Variants in DLGAP2 observed in about 807,000 individuals in gnomAD.
DLGAP2 encodes the protein disks large-associated protein 2.
In DLGAP2, 26 loss-of-function variants were observed where a neutral mutation model predicts 100.3. The ratio of observed to expected loss-of-function variants is 0.26; its 90% confidence interval spans 0.19 to 0.36. The LOEUF is 0.36. Among genes scored for constraint, DLGAP2 ranks in the 10% least tolerant of loss-of-function variants. DLGAP2 has a pLI of 1.00. For synonymous variants in DLGAP2, 886 were observed against 630.1 expected (o/e 1.41, Z -6.08); for missense variants, 1,858 against 1,453.2 (o/e 1.28, Z -4.53).
rs552347942 is a variant in DLGAP2, at chr8:1,308,139, G to C, written c.106+49256G>C. Among the ~76,000 whole-genome samples the C allele has an allele frequency of 5.9e-5, 9 of 152,314 alleles. No individual in the cohort carries two copies. In the East Asian group the frequency reaches 1.7e-3, roughly 29 times the overall value. On this transcript the variant is annotated intron_variant, in intron 3 of 14. Transcript: ENST00000637795. ...CAGCTTTCACCTCAAGTGGTCCCTG[G>C]GCTCGTTGCAAGCCAGGGTACGTGT...
At chr8:1,676,049 G>A (rs2130851016) in intron 10 of DLGAP2, among the ~76,000 whole-genome samples, 1 of 152,262 alleles carries the variant, frequency 6.6e-6, no homozygotes, top group African/African-American at 2.4e-5. Context: ...AGATGAAGGT[G>A]GAGAGTTTGC....
chr8:1,356,407 CCA>C (rs1801852150), intron 3 of DLGAP2, among the ~76,000 whole-genome samples: 7 of 152,152 alleles, frequency 4.6e-5, no homozygotes, highest in Non-Finnish European at 8.8e-5. Flanking sequence ...AAAAATAAAA[CCA>C]TGTGAAACCA....
chr8:762,590 T>G (rs543035607), intron 1 of DLGAP2, among the ~76,000 whole-genome samples: 1 of 152,228 alleles, frequency 6.6e-6, no homozygotes, highest in East Asian at 1.9e-4. Flanking sequence ...GCTTGCCACC[T>G]GGGCAGCCCT....
chr8:1,586,944 G>C (rs1030433344), intron 6 of DLGAP2, among the ~76,000 whole-genome samples: 1 of 152,208 alleles, frequency 6.6e-6, no homozygotes, highest in African/African-American at 2.4e-5. Flanking sequence ...AGGAGATTCT[G>C]ACTAGAATGG....
At chr8:1,299,764 G>A (rs913566063) in intron 3 of DLGAP2, among the ~76,000 whole-genome samples, 2 of 152,014 alleles carry the variant, frequency 1.3e-5, no homozygotes, top group Admixed American at 6.6e-5. Context: ...ATCCCCCCTG[G>A]ACTGCACTTT....
intron 2 of DLGAP2, among the ~76,000 whole-genome samples, chr8:975,265 A>G (rs1397442966): frequency 6.6e-6 from 1 of 152,202 alleles, no homozygotes; most frequent in African/African-American, 2.4e-5. Flanking sequence ...TTTCCAAAAC[A>G]GTAAGCACCA....
intron 2 of DLGAP2, among the ~76,000 whole-genome samples, chr8:1,120,898 A>G (rs942441467): frequency 8.8e-5 from 13 of 148,480 alleles, no homozygotes; most frequent in African/African-American, 3.3e-4. Flanking sequence ...TTCAGATCCC[A>G]TGACCTCCCA....
chr8:1,425,978 C>G (rs914885505), intron 3 of DLGAP2, among the ~76,000 whole-genome samples: 2 of 152,228 alleles, frequency 1.3e-5, no homozygotes, highest in Admixed American at 6.5e-5. Context: ...GAGGACAGCA[C>G]TGAGCAGAAC....
chr8:1,363,937 C>A (rs906208615), intron 3 of DLGAP2, among the ~76,000 whole-genome samples: 1 of 152,166 alleles, frequency 6.6e-6, no homozygotes, highest in Non-Finnish European at 1.5e-5. Flanking sequence ...ACAGTGACAG[C>A]CAGGCTATTG....
intron 8 of DLGAP2, among the ~76,000 whole-genome samples, chr8:1,638,756 C>A (rs544538919): frequency 6.6e-6 from 1 of 152,160 alleles, no homozygotes; most frequent in Non-Finnish European, 1.5e-5. Context: ...AGGGAGTCTC[C>A]AGGACTTCAT....
rs780215632 is a variant in DLGAP2, at chr8:1,535,100, G to T, written c.173-13526G>T. ...GTAGGGCAAGGTCCTGTGGAGCCACGGGAGGAATCGAGGGAGGCAGGCCCT... is the reference window on the plus strand; with the variant it reads ...GTAGGGCAAGGTCCTGTGGAGCCACTGGAGGAATCGAGGGAGGCAGGCCCT... On this transcript the variant is annotated intron_variant, in intron 4 of 14. Transcript: ENST00000637795. 3.3e-5 allele frequency among the ~76,000 whole-genome samples: 5 copies of T among 152,200 alleles called. No homozygotes were observed. In the South Asian group the frequency reaches 1.0e-3, roughly 32 times the overall value.
chr8:1,217,789 A>C (rs1333368267), intron 2 of DLGAP2, among the ~76,000 whole-genome samples: 3 of 152,160 alleles, frequency 2.0e-5, no homozygotes, highest in Non-Finnish European at 4.4e-5. Context: ...GCTATTAATA[A>C]TAGCCATTCT....
At chr8:1,166,557 C>G (rs1797019934) in intron 2 of DLGAP2, among the ~76,000 whole-genome samples, 1 of 152,176 alleles carries the variant, frequency 6.6e-6, no homozygotes, top group South Asian at 2.1e-4. Flanking sequence ...GCAGAACATT[C>G]ATGAGAAATA....
chr8:1,119,077 T>C (rs1248891878), intron 2 of DLGAP2, among the ~76,000 whole-genome samples: 1 of 152,252 alleles, frequency 6.6e-6, no homozygotes, highest in Non-Finnish European at 1.5e-5. Context: ...CCTACTACTT[T>C]ATAACCGATT....
intron 1 of DLGAP2, among the ~76,000 whole-genome samples, chr8:781,557 G>T (rs1358178612): frequency 6.6e-6 from 1 of 152,166 alleles, no homozygotes; most frequent in African/African-American, 2.4e-5. Context: ...GTGGGGTGTT[G>T]CCCAAGTACC....
chr8:1,326,745 C>T (rs982730100), intron 3 of DLGAP2, among the ~76,000 whole-genome samples: 5 of 152,230 alleles, frequency 3.3e-5, no homozygotes, highest in African/African-American at 9.6e-5. Context: ...TTTCTTCTTC[C>T]TGTTTTTCCA....
intron 2 of DLGAP2, among the ~76,000 whole-genome samples, chr8:1,037,251 G>A (rs1474237202): frequency 1.3e-5 from 2 of 152,016 alleles, no homozygotes; most frequent in African/African-American, 2.4e-5. Context: ...ACCTTCCCTC[G>A]GGCCTTTCTC....
chr8:1,255,484 GTGT>G (rs1799178695), intron 2 of DLGAP2, among the ~76,000 whole-genome samples: 1 of 135,364 alleles, frequency 7.4e-6, no homozygotes, highest in East Asian at 2.3e-4. Context: ...CTGTGTGTGT[GTGT>G]CCTCATCTTG....
intron 2 of DLGAP2, among the ~76,000 whole-genome samples, chr8:1,214,917 C>A (rs34086587): frequency 6.6e-6 from 1 of 152,114 alleles, no homozygotes; most frequent in African/African-American, 2.4e-5. Flanking sequence ...CAGTTGCTTC[C>A]CTCCTCTGGC....
Sources: gnomAD v4.1 joint callset for allele counts (sites outside exome capture counted in the v4.1 genomes callset) on GRCh38, gnomAD v4.1.1 for gene constraint, MANE v1.5 for transcripts, NCBI Gene and HGNC (gene_info 2026-07-23, HGNC 2026-07-21) for gene names.